EYS: variants seen among roughly 807,000 people sequenced by gnomAD.
The protein encoded by EYS is EGF-like photoreceptor maintenance factor, also known as protein eyes shut homolog.
A neutral mutation model predicts 282.1 loss-of-function variants in EYS; 250 were observed. The ratio of observed to expected loss-of-function variants is 0.89; its 90% confidence interval spans 0.80 to 0.98. The LOEUF (loss-of-function observed/expected upper bound fraction) is 0.98. Among genes scored for constraint, EYS ranks in the 50% least tolerant of loss-of-function variants. The pLI is 0.00. For missense variants in EYS, 4,016 were observed against 3,709.0 expected, an observed-to-expected ratio of 1.08 and a Z score of -2.15; for synonymous variants, 1,355 against 1,282.9, an observed-to-expected ratio of 1.06 and a Z score of -1.20.
intron 22 of EYS, among the ~76,000 whole-genome samples, chr6:64,627,632 A>G (rs2149858060): frequency 6.6e-6 from 1 of 152,302 alleles, no homozygotes; most frequent in Admixed American, 6.5e-5. Flanking sequence ...ACAGTTACTT[A>G]GGTGATACAA....
chr6:65,121,834 C>A (rs1171757222), intron 12 of EYS, among the ~76,000 whole-genome samples: 1 of 152,022 alleles, frequency 6.6e-6, no homozygotes, highest in Non-Finnish European at 1.5e-5. Flanking sequence ...TAAAGCAGAA[C>A]ACAATTTACT....
At chr6:64,077,843 T>A (rs914483653) in intron 32 of EYS, among the ~76,000 whole-genome samples, 1 of 152,004 alleles carries the variant, frequency 6.6e-6, no homozygotes, top group African/African-American at 2.4e-5. Flanking sequence ...CGTGACCTAT[T>A]AGTAGCTCCT....
chr6:64,810,809 A>G (rs933048881), intron 22 of EYS, among the ~76,000 whole-genome samples: 15 of 152,060 alleles, frequency 9.9e-5, no homozygotes, highest in Admixed American at 1.3e-4. Context: ...CCTTAGCAAA[A>G]TCATTAACAA....
At chr6:64,325,137 A>G (rs1322901242) in intron 29 of EYS, among the ~76,000 whole-genome samples, 1 of 152,222 alleles carries the variant, frequency 6.6e-6, no homozygotes, top group East Asian at 1.9e-4. Context: ...AATCCCAAGA[A>G]GACCCACAGA....
chr6:64,912,229 G>GA (rs67221279), intron 16 of EYS, among the ~76,000 whole-genome samples: 2 of 151,238 alleles, frequency 1.3e-5, no homozygotes, highest in South Asian at 2.1e-4. Flanking sequence ...ACTTCTGAAA[G>GA]AAAAAAAAAG....
chr6:65,199,949 T>C (rs1370107976), intron 12 of EYS, among the ~76,000 whole-genome samples: 1 of 152,038 alleles, frequency 6.6e-6, no homozygotes, highest in Admixed American at 6.6e-5. Context: ...GTATAAATCA[T>C]GGATGAGTAT....
At chr6:64,138,522 T>C (rs985888457) in intron 31 of EYS, among the ~76,000 whole-genome samples, 2 of 152,054 alleles carry the variant, frequency 1.3e-5, no homozygotes, top group African/African-American at 4.8e-5. Context: ...ATTACGGATA[T>C]ATGTGGGGTG....
chr6:64,387,684 T>C (rs2150424134), intron 29 of EYS, among the ~76,000 whole-genome samples: 1 of 152,230 alleles, frequency 6.6e-6, no homozygotes, highest in Non-Finnish European at 1.5e-5. Flanking sequence ...AAAAAGTCAA[T>C]GAAGCACATT....
At chr6:64,019,660 C>T (rs1366707160) in intron 33 of EYS, among the ~76,000 whole-genome samples, 1 of 151,576 alleles carries the variant, frequency 6.6e-6, no homozygotes, top group Non-Finnish European at 1.5e-5. Flanking sequence ...CTGCCCGCCT[C>T]GGCCTCTCAA....
At chr6:64,058,480 G>A (rs184242086) in intron 33 of EYS, among the ~76,000 whole-genome samples, 4 of 152,148 alleles carry the variant, frequency 2.6e-5, no homozygotes, top group African/African-American at 7.2e-5. Flanking sequence ...TCCAGTTAAG[G>A]AGAGCTAGGG....
chr6:64,342,935 A>AAC (rs1445815950), intron 29 of EYS, among the ~76,000 whole-genome samples: 1 of 152,064 alleles, frequency 6.6e-6, no homozygotes, highest in East Asian at 1.9e-4. Context: ...ACTTTAAACC[A>AAC]ACAAACATCA....
At chr6:64,502,751 T>C (rs1366584596) in intron 26 of EYS, among the ~76,000 whole-genome samples, 1 of 152,004 alleles carries the variant, frequency 6.6e-6, no homozygotes, top group Non-Finnish European at 1.5e-5. Flanking sequence ...CATAAATCCA[T>C]CCATCAACAG....
intron 28 of EYS, among the ~76,000 whole-genome samples, chr6:64,408,010 A>G (rs1017453641): frequency 2.0e-5 from 3 of 152,146 alleles, no homozygotes; most frequent in Non-Finnish European, 2.9e-5. Flanking sequence ...TACACGCATG[A>G]GCCACGGCGT....
chr6:63,734,623 A>G (rs958546565), intron 41 of EYS, among the ~76,000 whole-genome samples: 1 of 152,154 alleles, frequency 6.6e-6, no homozygotes, highest in Admixed American at 6.6e-5. Flanking sequence ...GAAAGATCAC[A>G]TGTGGGTAAG....
At chr6:65,642,157 T>A (rs929307246) in intron 1 of EYS, among the ~76,000 whole-genome samples, 2 of 152,128 alleles carry the variant, frequency 1.3e-5, no homozygotes, top group African/African-American at 2.4e-5. Context: ...CAAAAAAGGA[T>A]AAATTATTTT....
At chr6:64,325,407 C>T (rs940951579) in intron 29 of EYS, among the ~76,000 whole-genome samples, 5 of 152,120 alleles carry the variant, frequency 3.3e-5, no homozygotes, top group East Asian at 3.9e-4. Flanking sequence ...ACAAAAGAAT[C>T]GGAACAACAG....
At chr6:65,144,633 A>T (rs1055646545) in intron 12 of EYS, among the ~76,000 whole-genome samples, 1 of 152,118 alleles carries the variant, frequency 6.6e-6, no homozygotes, top group African/African-American at 2.4e-5. Context: ...CTCTGTCTCC[A>T]TGATCATAAT....
intron 10 of EYS, 126 bp downstream of exon 10, chr6:65,343,912 A>G (rs1770292733): frequency 1.3e-6 from 1 of 799,710 alleles, no homozygotes; most frequent in Non-Finnish European, 2.1e-6. Context: ...AGTTATATTT[A>G]AACTATGCAA....
At chr6:64,701,873 TTAAAAGAGCAGAAGTA>T (rs1583057831) in intron 22 of EYS, among the ~76,000 whole-genome samples, 1 of 152,022 alleles carries the variant, frequency 6.6e-6, no homozygotes, top group African/African-American at 2.4e-5. Context: ...AACTCAAAAA[TTAAAAGAGCAGAAGTA>T]TATAATAACT....
Sources: gnomAD v4.1 joint callset for allele counts (sites outside exome capture counted in the v4.1 genomes callset) on GRCh38, gnomAD v4.1.1 for gene constraint, MANE v1.5 for transcripts, NCBI Gene and HGNC (gene_info 2026-07-23, HGNC 2026-07-21) for gene names.